The following SLC44A3 variants were observed in gnomAD, a reference collection of about 807,000 sequenced individuals.
The protein encoded by SLC44A3 is solute carrier family 44 member 3.
In SLC44A3, 74 loss-of-function variants were observed where a neutral mutation model predicts 75.4. The ratio of observed to expected loss-of-function variants is 0.98; its 90% confidence interval spans 0.81 to 1.19. The LOEUF is 1.19. Among genes scored for constraint, SLC44A3 ranks in the 50% most tolerant of loss-of-function variants. The pLI is 0.00. For missense variants in SLC44A3, 700 were observed against 778.6 expected (o/e 0.90, Z 1.20); for synonymous variants, 310 against 296.9 (o/e 1.04, Z -0.45).
At chr1:94,820,545 C>A in intron 1 of SLC44A3, 67 bp downstream of exon 1, 1 of 1,455,696 alleles carries the variant, frequency 6.9e-7, no homozygotes, top group South Asian at 1.3e-5. Context: ...CCCGCCTTCA[C>A]GCACCTTCCC....
At position 94,858,406 on chromosome 1, in the gene SLC44A3, C is replaced by T. The variant is rs114073728; in HGVS notation, c.1238+906C>T. On this transcript the variant is annotated intron_variant, in intron 10 of 14. Coordinates refer to ENST00000271227, the MANE Select transcript of SLC44A3 (RefSeq NM_001114106.3). ...CATCATGAAAGCAATTGAGGACACA[C>T]ACAAACACACACACCCCTGAACGCT... Among the ~76,000 whole-genome samples, 1,134 of 152,270 alleles carry T rather than the reference C, an allele frequency of 7.4e-3. 6 individuals carry two copies. The highest frequency in any genetic ancestry group is 0.012 in the Non-Finnish European group (818 of 68,032).
chr1:94,837,782 T>C lies in SLC44A3; in HGVS notation c.581T>C (p.Leu194Ser), dbSNP rs1455180758. Residue 194 changes from leucine (L) to serine (S), a missense_variant, in exon 6 of 15, where the codon TTG becomes TCG. Transcript: ENST00000271227. ...PECYSLFASV[L>S]INDVDTLHRI... ...TGCTACTCCCTATTTGCATCTGTTTTGATAAATGATGTTGACACCCTCCAC... is the reference window on the plus strand; with the variant it reads ...TGCTACTCCCTATTTGCATCTGTTTCGATAAATGATGTTGACACCCTCCAC... 5.0e-6 allele frequency: 8 copies of C among 1,612,794 alleles called. No homozygotes were observed. The highest frequency in any genetic ancestry group is 6.8e-6 in the Non-Finnish European group (8 of 1,179,598).
At chr1:94,851,801 G>A (rs1665247648) in intron 9 of SLC44A3, among the ~76,000 whole-genome samples, 1 of 152,246 alleles carries the variant, frequency 6.6e-6, no homozygotes, top group African/African-American at 2.4e-5. Flanking sequence ...ACAAGGCCAA[G>A]TGCACAGAAT....
At chr1:94,867,621 A>G (rs919167135) in intron 12 of SLC44A3, among the ~76,000 whole-genome samples, 3 of 152,254 alleles carry the variant, frequency 2.0e-5, no homozygotes, top group Admixed American at 6.5e-5. Flanking sequence ...AATGGGATGG[A>G]TGTGGCTATG....
At chr1:94,886,486 T>C (rs1368195818) in intron 12 of SLC44A3, among the ~76,000 whole-genome samples, 1 of 152,138 alleles carries the variant, frequency 6.6e-6, no homozygotes, top group Non-Finnish European at 1.5e-5. Flanking sequence ...CTCATGTCTG[T>C]GGCTCATGTT....
At chr1:94,826,637 CAAAAA>C (rs34931563) in intron 3 of SLC44A3, among the ~76,000 whole-genome samples, 3 of 127,988 alleles carry the variant, frequency 2.3e-5, no homozygotes, top group Non-Finnish European at 3.4e-5. Flanking sequence ...GACTCTGTCT[CAAAAA>C]AAAAAAAAAA....
At chr1:94,841,864 G>C (rs1403695346) in intron 7 of SLC44A3, 136 bp from the exon 8 acceptor site, 1 of 1,206,496 alleles carries the variant, frequency 8.3e-7, no homozygotes, top group Non-Finnish European at 1.1e-6. Flanking sequence ...GTAGGGTCCG[G>C]GTATTTGGGA....
At chr1:94,846,435 A>G (rs1327035693) in intron 9 of SLC44A3, among the ~76,000 whole-genome samples, 1 of 152,202 alleles carries the variant, frequency 6.6e-6, no homozygotes, top group Non-Finnish European at 1.5e-5. Flanking sequence ...CTAAAGCAGC[A>G]CTATTCAGAG....
chr1:94,868,543 G>A (rs990931899), intron 12 of SLC44A3, among the ~76,000 whole-genome samples: 1 of 151,994 alleles, frequency 6.6e-6, no homozygotes, highest in South Asian at 2.1e-4. Flanking sequence ...CTTTCAGAAT[G>A]GGGGGGAACA....
intron 10 of SLC44A3, among the ~76,000 whole-genome samples, chr1:94,861,091 A>G (rs1290823532): frequency 1.3e-5 from 2 of 152,248 alleles, no homozygotes; most frequent in African/African-American, 4.8e-5. Context: ...CTTCAGAAAA[A>G]AAAAGTTGTA....
At position 94,891,248 on chromosome 1, in the gene SLC44A3, T is replaced by C; in HGVS notation, c.1601T>C (p.Phe534Ser). The C allele has an allele frequency of 1.2e-6, 2 of 1,605,942 alleles. No homozygotes were observed. ...HFTSINCFGD[F>S]IIFLGKVLVV... is the part of the protein sequence containing the mutation. ...ACATCTATTAACTGCTTTGGAGACT[T>C]CATAATTTTTCTAGGAAAGGTGAGA... Residue 534 changes from phenylalanine to serine, a missense_variant, in exon 13 of 15, where the codon TTC becomes TCC. Coordinates refer to ENST00000271227, the MANE Select transcript of SLC44A3 (RefSeq NM_001114106.3).
At chr1:94,868,868 C>T (rs559434154) in intron 12 of SLC44A3, among the ~76,000 whole-genome samples, 5 of 152,378 alleles carry the variant, frequency 3.3e-5, no homozygotes, top group Admixed American at 2.6e-4. Flanking sequence ...ATCCCTCTTT[C>T]ACTCATGGTT....
chr1:94,875,486 T>C (rs1035082065), intron 12 of SLC44A3, among the ~76,000 whole-genome samples: 1 of 152,122 alleles, frequency 6.6e-6, no homozygotes, highest in Non-Finnish European at 1.5e-5. Flanking sequence ...CCATTCCCTA[T>C]CCTGCATCTT....
At chr1:94,824,411 T>C in intron 2 of SLC44A3, 82 bp from the exon 3 acceptor site, 1 of 1,466,408 alleles carries the variant, frequency 6.8e-7, no homozygotes, top group Middle Eastern at 2.5e-4. Flanking sequence ...CAGGCTCCGT[T>C]TTATATCAGC....
At chr1:94,893,955 CACAGTGGCAG>C (rs1336132196) in intron 14 of SLC44A3, among the ~76,000 whole-genome samples, 51 of 152,046 alleles carry the variant, frequency 3.4e-4, no homozygotes, top group African/African-American at 1.1e-3. Context: ...ATTAGCCAGG[CACAGTGGCAG>C]GCGCCTGTAA....
At chr1:94,845,246 GAAGT>G (rs757916680) in intron 8 of SLC44A3, 28 bp from the exon 9 acceptor site, 1 of 1,558,414 alleles carries the variant, frequency 6.4e-7, no homozygotes, top group Non-Finnish European at 8.7e-7. Flanking sequence ...CCATTATTTG[GAAGT>G]AATTTACTCA....
chr1:94,827,735 T>A, intron 4 of SLC44A3, 92 bp downstream of exon 4: 3 of 1,459,994 alleles, frequency 2.1e-6, no homozygotes, highest in Non-Finnish European at 1.9e-6. Context: ...CTGCTTTCTC[T>A]GGAAAGCTGG....
chr1:94,847,378 C>T (rs1283624227), intron 9 of SLC44A3, among the ~76,000 whole-genome samples: 2 of 152,190 alleles, frequency 1.3e-5, no homozygotes, highest in Non-Finnish European at 2.9e-5. Context: ...GGGAGGAAAG[C>T]GAGCATGCCC....
intron 8 of SLC44A3, chr1:94,843,567 T>A (rs1663969781): frequency 6.6e-6 from 1 of 152,180 alleles, no homozygotes; most frequent in South Asian, 2.1e-4. Flanking sequence ...TCCACTTGAC[T>A]GTTGACGGCA....
Sources: gnomAD v4.1 joint callset for allele counts (sites outside exome capture counted in the v4.1 genomes callset) on GRCh38, gnomAD v4.1.1 for gene constraint, MANE v1.5 for transcripts, NCBI Gene and HGNC (gene_info 2026-07-23, HGNC 2026-07-21) for gene names.